FAM78B: variants seen among roughly 807,000 people sequenced by gnomAD.
The protein encoded by FAM78B is family with sequence similarity 78 member B.
In FAM78B, 10 loss-of-function variants were observed where a neutral mutation model predicts 20.0. The observed-to-expected ratio is 0.50, with a 90% CI of 0.31 to 0.85. The LOEUF is 0.85. FAM78B is among the 40% of genes least tolerant of loss of function. The pLI is 0.05. For synonymous variants in FAM78B, 135 were observed against 132.8 expected, an observed-to-expected ratio of 1.02 and a Z score of -0.12; for missense variants, 283 against 345.0, an observed-to-expected ratio of 0.82 and a Z score of 1.42.
chr1:166,063,734 C>T (rs1008475333), intron 2 of FAM78B, among the ~76,000 whole-genome samples: 25 of 152,172 alleles, frequency 1.6e-4, no homozygotes, highest in Non-Finnish European at 2.4e-4. Context: ...GGCTGTATTC[C>T]TCATAGTCCC....
chr1:166,094,948 TTCTG>T (rs964503431), intron 1 of FAM78B, among the ~76,000 whole-genome samples: 2 of 152,140 alleles, frequency 1.3e-5, no homozygotes, highest in African/African-American at 4.8e-5. Context: ...ATTAGATTGG[TTCTG>T]TCTATAAGAA....
At chr1:166,065,612 G>A (rs543607487), downstream of FAM78B, among the ~76,000 whole-genome samples, 1 of 152,292 alleles carries the variant, frequency 6.6e-6, no homozygotes, top group South Asian at 2.1e-4. Context: ...GTCATGGGCA[G>A]GTGCACCGCT....
intron 2 of FAM78B, among the ~76,000 whole-genome samples, chr1:166,061,330 C>T (rs1049073364): frequency 1.3e-5 from 2 of 151,392 alleles, no homozygotes; most frequent in Non-Finnish European, 2.9e-5. Flanking sequence ...GCATCCTTCT[C>T]TTTTTTTTTC....
At chr1:166,145,652 T>C (rs972972535) in intron 1 of FAM78B, among the ~76,000 whole-genome samples, 3 of 152,232 alleles carry the variant, frequency 2.0e-5, no homozygotes, top group East Asian at 3.8e-4. Flanking sequence ...AAACATCTAG[T>C]CTTGGATCTG....
intron 1 of FAM78B, among the ~76,000 whole-genome samples, chr1:166,124,424 G>C (rs757782317): frequency 6.6e-6 from 1 of 152,204 alleles, no homozygotes; most frequent in East Asian, 1.9e-4. Flanking sequence ...CACTGTTCTA[G>C]GCATTTGGTA....
intron 1 of FAM78B, chr1:166,154,795 T>C (rs1464259216): frequency 4.1e-6 from 2 of 486,526 alleles, no homozygotes; most frequent in East Asian, 1.2e-4. Flanking sequence ...TGTCCCTCAC[T>C]AGTTGTGGCA....
At chr1:166,156,844 G>A (rs1455599864) in intron 1 of FAM78B, among the ~76,000 whole-genome samples, 1 of 151,992 alleles carries the variant, frequency 6.6e-6, no homozygotes, top group Non-Finnish European at 1.5e-5. Context: ...CCTTCCCCCA[G>A]CCTGAGTGAT....
At chr1:166,080,527 T>C (rs1199857037) in intron 1 of FAM78B, among the ~76,000 whole-genome samples, 1 of 152,214 alleles carries the variant, frequency 6.6e-6, no homozygotes, top group Non-Finnish European at 1.5e-5. Flanking sequence ...AACCGCTATG[T>C]TCAGCCTACT....
chr1:166,109,393 C>A (rs1017938856), intron 1 of FAM78B, among the ~76,000 whole-genome samples: 1 of 152,050 alleles, frequency 6.6e-6, no homozygotes, highest in African/African-American at 2.4e-5. Flanking sequence ...AAATGGCCAA[C>A]AAACATATCA....
chr1:166,117,058 G>T (rs1484776321), intron 1 of FAM78B, among the ~76,000 whole-genome samples: 1 of 152,136 alleles, frequency 6.6e-6, no homozygotes, highest in Non-Finnish European at 1.5e-5. Context: ...CTCCTACTTT[G>T]ACAACTATAT....
At chr1:166,147,357 C>A (rs1655500198) in intron 1 of FAM78B, among the ~76,000 whole-genome samples, 1 of 152,138 alleles carries the variant, frequency 6.6e-6, no homozygotes, top group Admixed American at 6.5e-5. Context: ...GGCAGGAGGC[C>A]CAGGGATGTC....
intron 1 of FAM78B, among the ~76,000 whole-genome samples, chr1:166,142,739 T>G (rs1655323559): frequency 6.6e-6 from 1 of 152,248 alleles, no homozygotes; most frequent in Non-Finnish European, 1.5e-5. Context: ...TCTAGGCACT[T>G]TTTAAATGAA....
intron 1 of FAM78B, among the ~76,000 whole-genome samples, chr1:166,141,256 C>T (rs529228590): frequency 1.6e-3 from 244 of 152,326 alleles, no homozygotes; most frequent in African/African-American, 5.6e-3. Flanking sequence ...TAGTGGAAGA[C>T]ATAGACAAGA....
intron 1 of FAM78B, among the ~76,000 whole-genome samples, chr1:166,098,096 G>A (rs1406425800): frequency 6.6e-6 from 1 of 152,184 alleles, no homozygotes; most frequent in Non-Finnish European, 1.5e-5. Flanking sequence ...GAGCCGGGTA[G>A]ACTCGCTGGG....
intron 1 of FAM78B, among the ~76,000 whole-genome samples, chr1:166,090,335 C>A (rs1460744754): frequency 3.9e-5 from 6 of 152,246 alleles, no homozygotes; most frequent in Non-Finnish European, 7.3e-5. Flanking sequence ...TCTGTCCACA[C>A]ACTGACACAT....
intron 1 of FAM78B, among the ~76,000 whole-genome samples, chr1:166,109,852 A>ATATATGTATGTG (rs1653949173): frequency 2.0e-4 from 5 of 25,448 alleles, no homozygotes; most frequent in African/African-American, 5.5e-4. Flanking sequence ...ATATATATAT[A>ATATATGTATGTG]TATATATATG....
At chr1:166,116,135 C>T (rs1258738811) in intron 1 of FAM78B, among the ~76,000 whole-genome samples, 1 of 152,200 alleles carries the variant, frequency 6.6e-6, no homozygotes, top group Non-Finnish European at 1.5e-5. Flanking sequence ...CATTCTGCAG[C>T]TTTCATGTGT....
chr1:166,145,522 C>T (rs1313305960), intron 1 of FAM78B, among the ~76,000 whole-genome samples: 1 of 152,206 alleles, frequency 6.6e-6, no homozygotes, highest in Non-Finnish European at 1.5e-5. Flanking sequence ...GGATATTTGC[C>T]TGCCTCTCAG....
intron 1 of FAM78B, among the ~76,000 whole-genome samples, chr1:166,075,376 G>T (rs1329181740): frequency 2.6e-5 from 4 of 152,098 alleles, no homozygotes; most frequent in South Asian, 2.1e-4. Flanking sequence ...AGAGACAAAA[G>T]AATAAATAAA....
Sources: gnomAD v4.1 joint callset for allele counts (sites outside exome capture counted in the v4.1 genomes callset) on GRCh38, gnomAD v4.1.1 for gene constraint, MANE v1.5 for transcripts, NCBI Gene and HGNC (gene_info 2026-07-23, HGNC 2026-07-21) for gene names.